Variants in SMCHD1 observed in about 807,000 individuals in gnomAD.
SMCHD1 encodes structural maintenance of chromosomes flexible hinge domain-containing protein 1.
A neutral mutation model predicts 254.7 loss-of-function variants in SMCHD1; 78 were observed. The observed-to-expected ratio is 0.31, with a 90% CI of 0.26 to 0.37. SMCHD1 has a LOEUF of 0.37. Among genes scored for constraint, SMCHD1 ranks in the 10% least tolerant of loss-of-function variants. The pLI is 1.00. For missense variants in SMCHD1, 1,840 were observed against 2,408.1 expected (o/e 0.76, Z 4.94); for synonymous variants, 766 against 794.9 (o/e 0.96, Z 0.61).
chr18:2,731,016 G>T (rs562703827), intron 24 of SMCHD1, among the ~76,000 whole-genome samples: 2 of 152,280 alleles, frequency 1.3e-5, no homozygotes, highest in African/African-American at 4.8e-5. Flanking sequence ...CTCAGGAGAA[G>T]ACCAAGAATT....
At chr18:2,716,277 A>G (rs1229219044) in intron 17 of SMCHD1, among the ~76,000 whole-genome samples, 1 of 152,188 alleles carries the variant, frequency 6.6e-6, no homozygotes. Context: ...GGTATGGACA[A>G]TTGTGGTAGT....
chr18:2,762,115 A>C lies in SMCHD1; in HGVS notation c.4445A>C (p.Glu1482Ala), dbSNP rs1175509751. Reference protein sequence around the residue: ...NILNSEQVIVEVLPNQPVKLV... With the variant: ...NILNSEQVIVAVLPNQPVKLV... ...CTTTTGTTTTGTAAGGTTATAGTTG[A>C]AGTCCTGCCTAATCAACCTGTGAAG... Residue 1482 changes from glutamate to alanine, a missense_variant, in exon 36 of 48, where the codon GAA (glutamate) becomes GCA (alanine). Coordinates refer to ENST00000320876, the MANE Select transcript of SMCHD1 (RefSeq NM_015295.3). 1 of 1,613,220 alleles carries C rather than the reference A, an allele frequency of 6.2e-7. No individual in the cohort carries two copies. The highest frequency in any genetic ancestry group is 8.5e-7 in the Non-Finnish European group (1 of 1,179,444).
chr18:2,761,358 A>C (rs1182152564), intron 35 of SMCHD1, among the ~76,000 whole-genome samples: 2 of 152,210 alleles, frequency 1.3e-5, no homozygotes, highest in Admixed American at 1.3e-4. Flanking sequence ...CCCAAACCTC[A>C]GCATCCTGCA....
At chr18:2,732,641 C>CT (rs2075165253) in intron 25 of SMCHD1, 149 bp downstream of exon 25, 8 of 566,544 alleles carry the variant, frequency 1.4e-5, no homozygotes, top group Non-Finnish European at 2.2e-5. Flanking sequence ...GCAGAATAAG[C>CT]TTTTTTCATG....
At chr18:2,793,656 C>CAAAAAAAAAAAAAAAAAAAAAAAAAAA (rs1277905569) in intron 45 of SMCHD1, among the ~76,000 whole-genome samples, 2 of 43,908 alleles carry the variant, frequency 4.6e-5, no homozygotes, top group African/African-American at 1.9e-4. Flanking sequence ...GACTCCGTCT[C>CAAAAAAAAAAAAAAAAAAAAAAAAAAA]AAAAAAAAAA....
At chr18:2,766,981 G>A (rs747446943) in intron 37 of SMCHD1, among the ~76,000 whole-genome samples, 4 of 152,044 alleles carry the variant, frequency 2.6e-5, no homozygotes, top group Non-Finnish European at 5.9e-5. Context: ...CACTTTCTGC[G>A]GGGCACAGTA....
intron 45 of SMCHD1, among the ~76,000 whole-genome samples, chr18:2,785,793 C>T (rs1401969682): frequency 6.6e-6 from 1 of 151,640 alleles, no homozygotes; most frequent in Non-Finnish European, 1.5e-5. Flanking sequence ...ACCCATTATA[C>T]TTCTTTCTGT....
At chr18:2,669,795 T>G (rs1014400653) in intron 3 of SMCHD1, among the ~76,000 whole-genome samples, 2 of 152,246 alleles carry the variant, frequency 1.3e-5, no homozygotes, top group African/African-American at 4.8e-5. Context: ...ATCTGCTCAC[T>G]GAATTTTATA....
At chr18:2,680,721 G>A (rs1365294159) in intron 5 of SMCHD1, among the ~76,000 whole-genome samples, 3 of 152,132 alleles carry the variant, frequency 2.0e-5, no homozygotes, top group Non-Finnish European at 4.4e-5. Context: ...TGCAGACCTC[G>A]CATTTCCCAG....
At chr18:2,752,617 A>G (rs2075596468) in intron 34 of SMCHD1, 65 bp downstream of exon 34, 1 of 1,039,296 alleles carries the variant, frequency 9.6e-7, no homozygotes, top group Non-Finnish European at 1.5e-6. Flanking sequence ...AACCCTGGAG[A>G]TATATGTGGG....
At chr18:2,784,699 A>G (rs2076211038) in intron 45 of SMCHD1, 78 bp downstream of exon 45, 1 of 1,389,938 alleles carries the variant, frequency 7.2e-7, no homozygotes, top group African/African-American at 1.5e-5. Context: ...TGTTTTGAGA[A>G]TCTAACATGA....
At chr18:2,796,627 C>A in intron 47 of SMCHD1, 106 bp downstream of exon 47, 1 of 778,268 alleles carries the variant, frequency 1.3e-6, no homozygotes, top group Non-Finnish European at 2.1e-6. Flanking sequence ...GTTGCCCAGG[C>A]TAGAGTGCAG....
chr18:2,776,224 T>A (rs554833815), intron 42 of SMCHD1, among the ~76,000 whole-genome samples: 20 of 152,218 alleles, frequency 1.3e-4, no homozygotes, highest in East Asian at 1.9e-4. Flanking sequence ...TATTTTTTTT[T>A]AAATTTTTTA....
chr18:2,696,203 T>G (rs910756914), intron 8 of SMCHD1, among the ~76,000 whole-genome samples: 6 of 152,182 alleles, frequency 3.9e-5, no homozygotes, highest in African/African-American at 1.4e-4. Context: ...TTTTGGAATC[T>G]TAGGGTAAGA....
intron 35 of SMCHD1, among the ~76,000 whole-genome samples, chr18:2,761,846 A>G (rs2075791379): frequency 6.6e-6 from 1 of 152,062 alleles, no homozygotes; most frequent in Non-Finnish European, 1.5e-5. Flanking sequence ...CGGTATACTA[A>G]TTTTTTTGAT....
chr18:2,729,263 T>C lies in SMCHD1; in HGVS notation c.2914-12T>C, dbSNP rs1279473850. The C allele has an allele frequency of 3.5e-6, 5 of 1,439,148 alleles. No homozygotes were observed. Among genetic ancestry groups the C allele is most frequent in the Non-Finnish European group, 4.6e-6 (5 of 1,094,000 alleles). 89.1% of individuals were successfully genotyped at this position (1,439,148 alleles called of 1,614,324 possible). The stretch of plus-strand genomic sequence containing the variant: ...AATAGGGGTCTTACATTATTTTTCA[T>C]CTTTCAAATAGTTTTCAGGTGCTCC... On this transcript the variant is annotated splice_polypyrimidine_tract_variant and intron_variant, in intron 23 of 47. Transcript: ENST00000320876.
At position 2,769,976 on chromosome 18, in the gene SMCHD1, T is replaced by A. The variant is rs1206650217; in HGVS notation, c.4847-13T>A. 1 of 1,562,638 alleles carries A rather than the reference T, an allele frequency of 6.4e-7. No homozygotes were observed. The highest frequency in any genetic ancestry group is 8.6e-7 in the Non-Finnish European group (1 of 1,164,308). On this transcript the variant is annotated splice_polypyrimidine_tract_variant and intron_variant, in intron 38 of 47. Transcript: ENST00000320876. Reference sequence around the variant, plus strand: ...TTTTAAATTATTTAAATTATCTCAATTTTTTTTCTTAGATGTTAAGAAGCA... The same window carrying A: ...TTTTAAATTATTTAAATTATCTCAAATTTTTTTCTTAGATGTTAAGAAGCA...
At chr18:2,720,847 G>T (rs1010737605) in intron 19 of SMCHD1, among the ~76,000 whole-genome samples, 1 of 152,006 alleles carries the variant, frequency 6.6e-6, no homozygotes, top group African/African-American at 2.4e-5. Flanking sequence ...GAACTCCTGG[G>T]CTCAAGCTAT....
rs991148306 is a variant in SMCHD1, at chr18:2,718,963, C to G, written c.2458+529C>G. Among the ~76,000 whole-genome samples, 1 of 151,992 alleles carries G rather than the reference C, an allele frequency of 6.6e-6. No individual in the cohort carries two copies. Among genetic ancestry groups the G allele is most frequent in the Non-Finnish European group, 1.5e-5 (1 of 67,990 alleles). ...TGTTGCTGGTAAAGTCTAAAGCTGT[C>G]CTGATTCCTGACCCTGGGCATATTG... is the stretch of plus-strand genomic sequence containing the variant. On this transcript the variant is annotated intron_variant, in intron 19 of 47. Transcript: ENST00000320876. This position sits in a 1 kb window ranked among gnomAD's most constrained non-coding sequence, Gnocchi z 4.6.
Sources: allele counts gnomAD v4.1 joint callset (sites outside exome capture counted in the v4.1 genomes callset), GRCh38; gene constraint gnomAD v4.1.1; non-coding constraint Gnocchi (gnomAD v3.1); transcripts MANE v1.5; gene names NCBI Gene and HGNC (gene_info 2026-07-23, HGNC 2026-07-21).